Variants in STK3 observed in about 807,000 individuals in gnomAD.
STK3 encodes serine/threonine kinase 3, also known as serine/threonine-protein kinase 3.
STK3 carries 41 observed loss-of-function variants against 58.0 expected under a neutral mutation model. That is an observed-to-expected ratio of 0.71 (90% CI 0.55 to 0.92). The LOEUF (loss-of-function observed/expected upper bound fraction) is 0.92. Among genes scored for constraint, STK3 ranks in the 40% least tolerant of loss-of-function variants. The probability of loss-of-function intolerance (pLI) is 0.00; values close to 1 mark genes in which losing one functional copy is unlikely to be tolerated. For synonymous variants in STK3, 170 were observed against 191.0 expected (o/e 0.89, Z 0.91); for missense variants, 479 against 602.7 (o/e 0.79, Z 2.15).
intron 1 of STK3, among the ~76,000 whole-genome samples, chr8:98,441,844 C>T (rs1000571312): frequency 2.0e-5 from 3 of 152,162 alleles, no homozygotes; most frequent in Non-Finnish European, 4.4e-5. Flanking sequence ...CTTGGCACAG[C>T]TCCCGTGGGC....
chr8:98,524,731 C>A lies in STK3; in HGVS notation c.1317+2011G>T, dbSNP rs77071871. On this transcript the variant is annotated intron_variant, in intron 10 of 10. Transcript: ENST00000419617. ...AGGCTTGCCTGATGAGATCATATGA[C>A]CTAGCCAATAGTTAGCACAATTGCC... 2.8e-3 allele frequency among the ~76,000 whole-genome samples: 429 copies of A among 152,306 alleles called. 8 individuals are homozygous for A. The highest frequency in any genetic ancestry group is 0.018 in the South Asian group (88 of 4,832).
rs1242506515 is a variant in STK3 at position 98,706,390 on chromosome 8, T to C, written c.684+77A>G. 1.1e-5 allele frequency: 15 copies of C among 1,380,416 alleles called. No homozygotes were observed. In the East Asian group the frequency reaches 3.8e-4, roughly 35 times the overall value. The allele number at this position is 1,380,416 out of a possible 1,614,324, so 85.5% of individuals were successfully genotyped here. ...CATTTAAATGAACTTATTTAGTTTATATTTACTTACATTGACATTACAAAA... is the reference window on the plus strand; with the variant it reads ...CATTTAAATGAACTTATTTAGTTTACATTTACTTACATTGACATTACAAAA... On this transcript the variant is annotated intron_variant, in intron 6 of 10. Transcript: ENST00000419617.
chr8:98,845,026 C>T (rs752662373), intron 3 of STK3, among the ~76,000 whole-genome samples: 7 of 152,154 alleles, frequency 4.6e-5, no homozygotes, highest in Non-Finnish European at 1.0e-4. Context: ...TCACTTAGTT[C>T]CTTCTGGATC....
chr8:98,875,747 A>G (rs1176847542), intron 3 of STK3: 1 of 152,136 alleles, frequency 6.6e-6, no homozygotes, highest in Non-Finnish European at 1.5e-5. Context: ...GCCACGTGAA[A>G]TTTTTCACAA....
At chr8:98,847,386 C>A (rs1249215612) in intron 3 of STK3, among the ~76,000 whole-genome samples, 1 of 152,204 alleles carries the variant, frequency 6.6e-6, no homozygotes, top group Admixed American at 6.5e-5. Flanking sequence ...GCACTGTCAA[C>A]TCCATGAGCT....
chr8:98,469,258 C>T (rs962104124), intron 10 of STK3, among the ~76,000 whole-genome samples: 5 of 56,676 alleles, frequency 8.8e-5, no homozygotes, highest in African/African-American at 3.0e-4. Context: ...TTTGCGGGGG[C>T]GGGGGGGCGG....
chr8:98,906,598 T>A (rs1838912126), intron 1 of STK3: 1 of 152,252 alleles, frequency 6.6e-6, no homozygotes, highest in Non-Finnish European at 1.5e-5. Context: ...ACTATCTTCT[T>A]ACAATATTTA....
At chr8:98,828,706 C>A (rs1428003796), upstream of STK3, among the ~76,000 whole-genome samples, 1 of 152,098 alleles carries the variant, frequency 6.6e-6, no homozygotes, top group Non-Finnish European at 1.5e-5. Flanking sequence ...CTCCAGGGAG[C>A]CTTTCCCAGT....
At chr8:98,856,896 T>C (rs1454822282) in intron 3 of STK3, among the ~76,000 whole-genome samples, 1 of 152,196 alleles carries the variant, frequency 6.6e-6, no homozygotes, top group Non-Finnish European at 1.5e-5. Context: ...AGTACTGATA[T>C]ACTGCCATAA....
chr8:98,746,252 C>G (rs1829634157), intron 4 of STK3, among the ~76,000 whole-genome samples: 1 of 152,172 alleles, frequency 6.6e-6, no homozygotes, highest in Non-Finnish European at 1.5e-5. Flanking sequence ...TAACCTCTAT[C>G]ACGTTTTACG....
At chr8:98,535,188 A>G (rs928726798) in intron 9 of STK3, among the ~76,000 whole-genome samples, 1 of 152,216 alleles carries the variant, frequency 6.6e-6, no homozygotes, top group Non-Finnish European at 1.5e-5. Context: ...CTGGAAAAGT[A>G]AGAAACTCCT....
intron 10 of STK3, among the ~76,000 whole-genome samples, chr8:98,521,322 T>G (rs1825345590): frequency 6.6e-6 from 1 of 152,182 alleles, no homozygotes; most frequent in Non-Finnish European, 1.5e-5. Flanking sequence ...TATTTTTTTT[T>G]GGTACTGTCA....
chr8:98,877,536 T>G (rs1157874843), intron 3 of STK3, among the ~76,000 whole-genome samples: 2 of 152,110 alleles, frequency 1.3e-5, no homozygotes, highest in African/African-American at 4.8e-5. Flanking sequence ...CAGGCTGGAG[T>G]GCAATGGCAT....
Position 98,546,582 on chromosome 8 carries a change from G to T in STK3, c.1141+1387C>A, listed in dbSNP as rs144212352. 7.2e-5 allele frequency among the ~76,000 whole-genome samples: 11 copies of T among 152,260 alleles called. No individual in the cohort carries two copies. The East Asian group carries it at 2.1e-3, about 29-fold the overall frequency. ...GATATTACATGTTGATGAAAAATGT[G>T]TTAACTGTTTTACCACAGAGTCTTT... On this transcript the variant is annotated intron_variant, in intron 9 of 10. Transcript: ENST00000419617.
chr8:98,768,332 C>T (rs530940584), intron 2 of STK3, among the ~76,000 whole-genome samples: 1 of 152,262 alleles, frequency 6.6e-6, no homozygotes, highest in South Asian at 2.1e-4. Context: ...GAAACAAGAG[C>T]AAGCCAATGG....
the STK3 span, among the ~76,000 whole-genome samples, chr8:98,363,406 G>A: frequency 3.6e-4 from 55 of 152,278 alleles, no homozygotes; most frequent in Admixed American, 3.4e-3. Context: ...AGTAGAAAGA[G>A]CAATGGACAA....
intron 1 of STK3, among the ~76,000 whole-genome samples, chr8:98,925,965 T>G (rs1279596571): frequency 6.6e-6 from 1 of 152,186 alleles, no homozygotes; most frequent in African/African-American, 2.4e-5. Flanking sequence ...CAGAGCCTCC[T>G]CATAATCAGG....
chr8:98,426,449 G>A (rs547726911), intron 3 of STK3, among the ~76,000 whole-genome samples: 1 of 152,156 alleles, frequency 6.6e-6, no homozygotes, highest in Non-Finnish European at 1.5e-5. Flanking sequence ...CACAAACTGT[G>A]CCCACACAGA....
chr8:98,379,532 C>T (rs990110331), intron 1 of STK3, among the ~76,000 whole-genome samples: 8 of 152,174 alleles, frequency 5.3e-5, no homozygotes, highest in Admixed American at 1.3e-4. Context: ...TTTGCAATGA[C>T]CTGTGGTGCA....
Sources: gnomAD v4.1 joint callset for allele counts (sites outside exome capture counted in the v4.1 genomes callset) on GRCh38, gnomAD v4.1.1 for gene constraint, MANE v1.5 for transcripts, NCBI Gene and HGNC (gene_info 2026-07-23, HGNC 2026-07-21) for gene names.